PPM1G: variants seen among roughly 807,000 people sequenced by gnomAD.
PPM1G encodes the protein protein phosphatase 1G.
PPM1G carries 12 observed loss-of-function variants against 59.4 expected under a neutral mutation model. The ratio of observed to expected loss-of-function variants is 0.20; its 90% CI spans 0.13 to 0.33. The LOEUF (loss-of-function observed/expected upper bound fraction) is 0.33. Among genes scored for constraint, PPM1G ranks in the 10% least tolerant of loss-of-function variants. The pLI is 1.00. For synonymous variants in PPM1G, 245 were observed against 251.9 expected (o/e 0.97, Z 0.26); for missense variants, 392 against 681.3 (o/e 0.58, Z 4.73).
rs368623773 is a variant in PPM1G, at chr2:27,400,118, C to T, written c.120+9185G>A. 2.4e-3 allele frequency among the ~76,000 whole-genome samples: 369 copies of T among 152,132 alleles called. 2 individuals carry two copies. The highest frequency in any genetic ancestry group is 8.3e-3 in the African/African-American group (345 of 41,498). On this transcript the variant is annotated intron_variant, in intron 1 of 9. Transcript: ENST00000344034. ...GACCCTTAAAAATATTACGCTTGGC[C>T]GGGCGTGGTGGTTCATGCCTGTAAT...
At chr2:27,387,662 G>A (rs777090784) in intron 1 of PPM1G, among the ~76,000 whole-genome samples, 7 of 152,000 alleles carry the variant, frequency 4.6e-5, no homozygotes, top group African/African-American at 1.7e-4. Flanking sequence ...CACCATGCCC[G>A]GCTAACTTTT....
At chr2:27,391,428 A>C (rs1683899544) in intron 1 of PPM1G, among the ~76,000 whole-genome samples, 1 of 152,172 alleles carries the variant, frequency 6.6e-6, no homozygotes, top group Non-Finnish European at 1.5e-5. Context: ...CATTTGTCTG[A>C]TGATTAGAAA....
intron 1 of PPM1G, among the ~76,000 whole-genome samples, chr2:27,393,961 AC>A: frequency 6.6e-6 from 1 of 152,102 alleles, no homozygotes; most frequent in East Asian, 1.9e-4. Flanking sequence ...ACGGGGTTTC[AC>A]CGTGTTAGCC....
chr2:27,395,091 C>T (rs527534736), intron 1 of PPM1G, among the ~76,000 whole-genome samples: 253 of 150,718 alleles, frequency 1.7e-3, no homozygotes, highest in Middle Eastern at 6.8e-3. Context: ...ATTAGCTGGG[C>T]GTGGTGGTGC....
chr2:27,387,608 C>T (rs1683800699), intron 1 of PPM1G, among the ~76,000 whole-genome samples: 2 of 151,944 alleles, frequency 1.3e-5, no homozygotes, highest in South Asian at 2.1e-4. Context: ...TCAAGCGATT[C>T]TCCTGCCTCC....
chr2:27,387,491 TA>T (rs1201508271), intron 1 of PPM1G, among the ~76,000 whole-genome samples: 2 of 152,006 alleles, frequency 1.3e-5, no homozygotes, highest in Non-Finnish European at 2.9e-5. Context: ...AAAACCAGAA[TA>T]AAGGATTTTT....
At chr2:27,387,044 G>A (rs1683780802) in intron 2 of PPM1G, 45 bp downstream of exon 2, 1 of 1,479,368 alleles carries the variant, frequency 6.8e-7, no homozygotes, top group Non-Finnish European at 9.5e-7. Flanking sequence ...GGAACGTCTG[G>A]AATTGGGGTC....
Position 27,384,895 on chromosome 2 carries a change from T to G in PPM1G, c.603A>C (p.Ser201=). 6.2e-7 allele frequency: 1 copy of G among 1,614,130 alleles called. No individual in the cohort carries two copies. Among genetic ancestry groups the G allele is most frequent in the Non-Finnish European group, 8.5e-7 (1 of 1,180,024 alleles). Residue 201 remains serine, a synonymous_variant, in exon 5 of 10, where the codon TCA becomes TCC. Coordinates refer to ENST00000344034, the MANE Select transcript of PPM1G (RefSeq NM_177983.3). This position sits in a 1 kb window ranked among gnomAD's most constrained non-coding sequence, Gnocchi z 4.8. The part of the protein sequence containing the change: ...GPEDSTRETP[S]QENGPTAKAY... ...CCTTGGCTGTGGGGCCATTTTCTTG[T>G]GAAGGAGTTTCCCTAGTTGAGTCCT...
At chr2:27,390,912 A>G (rs1022853074) in intron 1 of PPM1G, among the ~76,000 whole-genome samples, 1 of 147,040 alleles carries the variant, frequency 6.8e-6, no homozygotes, top group African/African-American at 2.5e-5. Context: ...TCCCACTCTC[A>G]CTGCGTGAGA....
chr2:27,381,769 C>A lies in PPM1G; in HGVS notation c.1471G>T (p.Asp491Tyr). ...GTCATGTTGTCACACCCTGTACCAT[C>A]CCCAGAAGTGTCTGGTGCCAGGCAC... ...DQCLAPDTSG[D>Y]GTGCDNMTCI... Residue 491 changes from aspartate to tyrosine, a missense_variant, in exon 10 of 10, where the codon GAT becomes TAT. Physicochemically the swap from Asp to Tyr is radical, Grantham distance 160. Coordinates refer to ENST00000344034, the MANE Select transcript of PPM1G (RefSeq NM_177983.3). 1 of 1,613,326 alleles carries A rather than the reference C, an allele frequency of 6.2e-7. No individual in the cohort carries two copies. The highest frequency in any genetic ancestry group is 1.1e-5 in the South Asian group (1 of 91,030).
rs534032701 is a variant in PPM1G, at chr2:27,398,972, C to T, written c.120+10331G>A. On this transcript the variant is annotated intron_variant, in intron 1 of 9. Transcript: ENST00000344034. Reference sequence around the variant, plus strand: ...CCAGCCTGGCCAACATGGTGAAACCCGGTCTCTACTAAAAATAAAAAATTA... The same window carrying T: ...CCAGCCTGGCCAACATGGTGAAACCTGGTCTCTACTAAAAATAAAAAATTA... 5.3e-5 allele frequency among the ~76,000 whole-genome samples: 8 copies of T among 151,842 alleles called. No homozygotes were observed. In the East Asian group the frequency reaches 1.4e-3, roughly 26 times the overall value.
At position 27,381,507 on chromosome 2, in the gene PPM1G, C is replaced by A. The variant is rs1683627076; in HGVS notation, c.*92G>T. 15 of 1,462,534 alleles carry A rather than the reference C, an allele frequency of 1.0e-5. No homozygotes were observed. The South Asian group carries it at 1.8e-4, about 17-fold the overall frequency. The allele number at this position is 1,462,534 out of a possible 1,614,324, so 90.6% of individuals were successfully genotyped here. On this transcript the variant is annotated 3_prime_UTR_variant, in exon 10 of 10. Coordinates refer to ENST00000344034, the MANE Select transcript of PPM1G (RefSeq NM_177983.3). Reference sequence around the variant, plus strand: ...CCAGCTCCCCCTGCACACCTCATACCCACTGCTAAGGCTAAAGGAAAAAGA... The same window carrying A: ...CCAGCTCCCCCTGCACACCTCATACACACTGCTAAGGCTAAAGGAAAAAGA...
At position 27,384,814 on chromosome 2, in the gene PPM1G, A is replaced by G; in HGVS notation, c.684T>C (p.Gly228=). Residue 228 remains glycine, a synonymous_variant, in exon 5 of 10, where the codon GGT becomes GGC. Coordinates refer to ENST00000344034, the MANE Select transcript of PPM1G (RefSeq NM_177983.3). This position sits in a 1 kb window ranked among gnomAD's most constrained non-coding sequence, Gnocchi z 4.8. ...SERGTEAGQV[G]EPGIPTGEAG... Reference sequence around the variant, plus strand: ...CCTCACCAGTGGGAATGCCAGGCTCACCAACTTGGCCTGCCTCAGTCCCAC... The same window carrying G: ...CCTCACCAGTGGGAATGCCAGGCTCGCCAACTTGGCCTGCCTCAGTCCCAC... 7 of 1,614,236 alleles carry G rather than the reference A, an allele frequency of 4.3e-6. No homozygotes were observed. The highest frequency in any genetic ancestry group is 5.9e-6 in the Non-Finnish European group (7 of 1,180,038).
intron 1 of PPM1G, among the ~76,000 whole-genome samples, chr2:27,401,184 A>G (rs1482368621): frequency 2.0e-5 from 3 of 152,214 alleles, no homozygotes; most frequent in African/African-American, 7.2e-5. Flanking sequence ...TCTTAAATCT[A>G]CTACAACAAT....
chr2:27,409,213 C>G, intron 1 of PPM1G, 90 bp downstream of exon 1: 1 of 1,457,674 alleles, frequency 6.9e-7, no homozygotes, highest in Non-Finnish European at 9.0e-7. Flanking sequence ...CAATTGGGAC[C>G]CTTCCCAGGG....
In PPM1G at chr2:27,385,555, T is replaced by C; in HGVS notation, c.409+192A>G. ...GTATATACAATGCTTACAGCTCAGATGCCACTCAACGAAGATAATTCTCTC... is the reference window on the plus strand; with the variant it reads ...GTATATACAATGCTTACAGCTCAGACGCCACTCAACGAAGATAATTCTCTC... On this transcript the variant is annotated intron_variant, in intron 4 of 9. Transcript: ENST00000344034. This position sits in a 1 kb window ranked among gnomAD's most constrained non-coding sequence, Gnocchi z 4.1. 1 of 665,978 alleles carries C rather than the reference T, an allele frequency of 1.5e-6. No individual in the cohort carries two copies. The highest frequency in any genetic ancestry group is 2.3e-5 in the South Asian group (1 of 44,248). The allele number at this position is 665,978 out of a possible 1,614,324, so 41.3% of individuals were successfully genotyped here.
At chr2:27,393,388 G>GGCGGCA (rs1683967070) in intron 1 of PPM1G, 1 of 1,467,608 alleles carries the variant, frequency 6.8e-7, no homozygotes, top group South Asian at 1.1e-5. Flanking sequence ...AAGGAGAGGC[G>GGCGGCA]GCGGCAGCGG....
intron 1 of PPM1G, among the ~76,000 whole-genome samples, chr2:27,388,335 G>A (rs1323580911): frequency 3.3e-5 from 5 of 151,948 alleles, no homozygotes; most frequent in South Asian, 2.1e-4. Flanking sequence ...CTTGAACCCC[G>A]GAGGTGGAAG....
At position 27,385,056 on chromosome 2, in the gene PPM1G, C is replaced by T. The variant is rs993697182; in HGVS notation, c.442G>A (p.Glu148Lys). ...DNEEAALLHEEATMTIEELLT... is the reference protein window; with the variant it reads ...DNEEAALLHEKATMTIEELLT... ...AGCTCTTCAATAGTCATGGTAGCCTCTTCATGCAGCAGTGCAGCCTCCTCA... is the reference window on the plus strand; with the variant it reads ...AGCTCTTCAATAGTCATGGTAGCCTTTTCATGCAGCAGTGCAGCCTCCTCA... Residue 148 changes from glutamate to lysine, a missense_variant, in exon 5 of 10, where the codon GAG (glutamate) becomes AAG (lysine). Around this residue, in one of 6 missense-constraint regions of PPM1G, gnomAD observed 188 missense variants for 248.8 expected, o/e 0.76. Coordinates refer to ENST00000344034, the MANE Select transcript of PPM1G (RefSeq NM_177983.3). This position sits in a 1 kb window ranked among gnomAD's most constrained non-coding sequence, Gnocchi z 4.1. 6.2e-7 allele frequency: 1 copy of T among 1,611,634 alleles called. No homozygotes were observed. The highest frequency in any genetic ancestry group is 1.3e-5 in the African/African-American group (1 of 74,900).
Sources: allele counts gnomAD v4.1 joint callset (sites outside exome capture counted in the v4.1 genomes callset), GRCh38; gene constraint gnomAD v4.1.1; regional missense constraint gnomAD v4.1.1; non-coding constraint Gnocchi (gnomAD v3.1); transcripts MANE v1.5; gene names NCBI Gene and HGNC (gene_info 2026-07-23, HGNC 2026-07-21).